The following CASZ1 variants were observed in gnomAD, a reference collection of about 807,000 sequenced individuals.
CASZ1 encodes castor zinc finger 1.
Under a neutral mutation model 135.2 loss-of-function variants are expected in CASZ1, and 28 were observed. The ratio of observed to expected loss-of-function variants is 0.21; its 90% confidence interval spans 0.15 to 0.28. The LOEUF (loss-of-function observed/expected upper bound fraction) is 0.28, where lower values mean the gene tolerates loss of function less well. CASZ1 is among the 10% of genes least tolerant of loss of function. The pLI is 1.00. For synonymous variants in CASZ1, 1,068 were observed against 1,073.4 expected (o/e 0.99, Z 0.10); for missense variants, 2,161 against 2,453.3 (o/e 0.88, Z 2.52).
chr1:10,773,549 A>AC, intron 1 of CASZ1, among the ~76,000 whole-genome samples: 1 of 151,882 alleles, frequency 6.6e-6, no homozygotes, highest in East Asian at 1.9e-4. Context: ...GGTCTCACGC[A>AC]CCCCGGGGAC....
rs533879927 is a variant in CASZ1, at chr1:10,724,639, C to T, written c.-76-19095G>A. 6.6e-6 allele frequency among the ~76,000 whole-genome samples: 1 copy of T among 152,166 alleles called. No homozygotes were observed. The highest frequency in any genetic ancestry group is 1.5e-5 in the Non-Finnish European group (1 of 68,028). ...TGTTAGAGGTTAGAGAAGCACTTCTCCCCCAGCCAAAGCAAGCAGGGCCTA... is the reference window on the plus strand; with the variant it reads ...TGTTAGAGGTTAGAGAAGCACTTCTTCCCCAGCCAAAGCAAGCAGGGCCTA... On this transcript the variant is annotated intron_variant, in intron 2 of 20. Coordinates refer to ENST00000377022, the MANE Select transcript of CASZ1 (RefSeq NM_001079843.3). This position sits in a 1 kb window ranked among gnomAD's most constrained non-coding sequence, Gnocchi z 4.1.
chr1:10,658,312 C>T (rs1642877946), intron 7 of CASZ1, 196 bp downstream of exon 7: 1 of 595,176 alleles, frequency 1.7e-6, no homozygotes, highest in Non-Finnish European at 3.0e-6. Flanking sequence ...GCCTGGACTA[C>T]ACAGAGCGGA....
intron 1 of CASZ1, among the ~76,000 whole-genome samples, chr1:10,775,662 G>A (rs115085250): frequency 3.5e-4 from 54 of 152,254 alleles, no homozygotes; most frequent in African/African-American, 1.3e-3. Flanking sequence ...GAGCAGAGCA[G>A]TTGGTCTACC....
Position 10,699,002 on chromosome 1 carries a change from C to G in CASZ1, c.-23-5090G>C, listed in dbSNP as rs540406457. 2.3e-4 allele frequency among the ~76,000 whole-genome samples: 35 copies of G among 152,360 alleles called. 1 individual carries two copies. The South Asian group carries it at 6.2e-3, about 27-fold the overall frequency. On this transcript the variant is annotated intron_variant, in intron 3 of 20. Transcript: ENST00000377022. This position sits in a 1 kb window ranked among gnomAD's most constrained non-coding sequence, Gnocchi z 4.6. ...CCACTCAGCTCCCCCACCGCTCCCC[C>G]ACCCATGGCCTGGCCTGGGTTGGGG... is the stretch of plus-strand genomic sequence containing the variant.
intron 15 of CASZ1, 38 bp downstream of exon 15, chr1:10,649,032 T>C (rs1338054350): frequency 1.2e-6 from 2 of 1,605,546 alleles, no homozygotes; most frequent in African/African-American, 1.3e-5. Flanking sequence ...CTGGGATCCG[T>C]GGGGCTCTGT....
chr1:10,789,639 G>A (rs943367530), intron 1 of CASZ1, among the ~76,000 whole-genome samples: 2 of 150,896 alleles, frequency 1.3e-5, no homozygotes, highest in African/African-American at 4.9e-5. Flanking sequence ...GACAAATCCA[G>A]ACCAAAAGGG....
chr1:10,743,079 G>A (rs1033167345), intron 2 of CASZ1, among the ~76,000 whole-genome samples: 4 of 152,152 alleles, frequency 2.6e-5, no homozygotes, highest in African/African-American at 4.8e-5. Flanking sequence ...AAGAGAGCTC[G>A]GGGAGTATTC....
intron 3 of CASZ1, among the ~76,000 whole-genome samples, chr1:10,696,902 A>G (rs1638945382): frequency 6.6e-6 from 1 of 152,176 alleles, no homozygotes; most frequent in Admixed American, 6.5e-5. Flanking sequence ...TGGATTGGCC[A>G]CCCAGTAACT....
chr1:10,640,713 T>C (rs529333108), intron 20 of CASZ1, among the ~76,000 whole-genome samples: 51 of 152,328 alleles, frequency 3.3e-4, no homozygotes, highest in African/African-American at 1.2e-3. Flanking sequence ...GGACCAGGAC[T>C]CAGGGAGCTC....
In CASZ1 at chr1:10,756,010, A is replaced by G. The variant is rs1437349666; in HGVS notation, c.-77+4691T>C. Among the ~76,000 whole-genome samples, 1 of 151,790 alleles carries G rather than the reference A, an allele frequency of 6.6e-6. No individual in the cohort carries two copies. ...GAGGCGGAAAGCAGAAAAACCTCCC[A>G]CGCGTGCACAGATGCACACGCCTCC... is the stretch of plus-strand genomic sequence containing the variant. On this transcript the variant is annotated intron_variant, in intron 2 of 20. Transcript: ENST00000377022. This position sits in a 1 kb window ranked among gnomAD's most constrained non-coding sequence, Gnocchi z 5.9.
At chr1:10,722,570 C>T (rs2100488609) in intron 2 of CASZ1, among the ~76,000 whole-genome samples, 1 of 152,340 alleles carries the variant, frequency 6.6e-6, no homozygotes, top group East Asian at 1.9e-4. Flanking sequence ...TCCAAGTTTC[C>T]AAGGACACTG....
chr1:10,710,314 G>A (rs1031946731), intron 2 of CASZ1, among the ~76,000 whole-genome samples: 2 of 152,060 alleles, frequency 1.3e-5, no homozygotes, highest in Non-Finnish European at 2.9e-5. Context: ...GACTTCAATG[G>A]TGAATTCGAG....
At chr1:10,672,970 T>C (rs1319928161) in intron 4 of CASZ1, among the ~76,000 whole-genome samples, 25 of 152,144 alleles carry the variant, frequency 1.6e-4, no homozygotes, top group Non-Finnish European at 5.9e-5. Context: ...GGAGGTGGGC[T>C]GGCGGTTCCA....
chr1:10,644,970 C>T lies in CASZ1; in HGVS notation c.3815G>A (p.Arg1272Gln), dbSNP rs745448443. The T allele has an allele frequency of 8.1e-6, 13 of 1,613,854 alleles. No homozygotes were observed. The highest frequency in any genetic ancestry group is 6.7e-5 in the East Asian group (3 of 44,898). Residue 1272 changes from arginine (R) to glutamine (Q), a missense_variant, in exon 18 of 21, where the codon CGG becomes CAG. By Grantham distance (43) the Arg-to-Gln change is conservative (BLOSUM62 1). Coordinates refer to ENST00000377022, the MANE Select transcript of CASZ1 (RefSeq NM_001079843.3). ...GAAGTATTTGAAGCCATTGGCTGCC[C>T]GCCGCTCCGCCTTCTCATGCTTCTT... Reference protein sequence around the residue: ...HIKKHEKAERRAANGFKYFTK... With the variant: ...HIKKHEKAERQAANGFKYFTK...
In CASZ1 at chr1:10,637,939, A is replaced by G. The variant is rs182954626; in HGVS notation, c.*1003T>C. On this transcript the variant is annotated 3_prime_UTR_variant, in exon 21 of 21. Transcript: ENST00000377022. ...TTTTTTCTTGTCTCTACAAAATTCA[A>G]GTTAAGAGTTGGAATCACGCAGCTC... 4 of 152,490 alleles carry G rather than the reference A, an allele frequency of 2.6e-5. No individual in the cohort carries two copies. The highest frequency in any genetic ancestry group is 2.0e-4 in the Admixed American group (3 of 15,296). The allele number at this position is 152,490 out of a possible 1,614,324, so 9.4% of individuals were successfully genotyped here.
intron 5 of CASZ1, 52 bp downstream of exon 5, chr1:10,665,031 A>G (rs540076672): frequency 2.7e-6 from 4 of 1,479,366 alleles, no homozygotes; most frequent in Non-Finnish European, 3.6e-6. Flanking sequence ...CCCCTTCCCC[A>G]CTGGCCTCCC....
intron 1 of CASZ1, among the ~76,000 whole-genome samples, chr1:10,795,490 C>T (rs1222122966): frequency 2.0e-5 from 3 of 152,022 alleles, no homozygotes; most frequent in Admixed American, 1.3e-4. Flanking sequence ...CGCTGCAGAG[C>T]CCCCCCGGAG....
chr1:10,665,552 C>G lies in CASZ1; in HGVS notation c.36G>C (p.Thr12=). 2 of 1,569,552 alleles carry G rather than the reference C, an allele frequency of 1.3e-6. No individual in the cohort carries two copies. Among genetic ancestry groups the G allele is most frequent in the Non-Finnish European group, 1.7e-6 (2 of 1,163,876 alleles). ...DLGTAEGTRC[T]DPPAGKPAMA... Reference sequence around the variant, plus strand: ...TGGCGGGCTTGCCTGCAGGCGGGTCCGTGCACCGGGTGCCCTCAGCTGCAG... The same window carrying G: ...TGGCGGGCTTGCCTGCAGGCGGGTCGGTGCACCGGGTGCCCTCAGCTGCAG... Residue 12 remains threonine, a synonymous_variant, in exon 5 of 21, where the codon ACG becomes ACC. Coordinates refer to ENST00000377022, the MANE Select transcript of CASZ1 (RefSeq NM_001079843.3).
rs540164780 is a variant in CASZ1 at position 10,689,932 on chromosome 1, C to T, written c.16+3942G>A. 2.6e-5 allele frequency among the ~76,000 whole-genome samples: 4 copies of T among 152,356 alleles called. No individual in the cohort carries two copies. In the East Asian group the frequency reaches 5.8e-4, roughly 22 times the overall value. ...ATGGTACCAGGAAACTCATGACTTCCGAGATGGCCCATTCTGTCCCGGGCT... is the reference window on the plus strand; with the variant it reads ...ATGGTACCAGGAAACTCATGACTTCTGAGATGGCCCATTCTGTCCCGGGCT... On this transcript the variant is annotated intron_variant, in intron 4 of 20. Coordinates refer to ENST00000377022, the MANE Select transcript of CASZ1 (RefSeq NM_001079843.3).
Sources: allele counts gnomAD v4.1 joint callset (sites outside exome capture counted in the v4.1 genomes callset), GRCh38; gene constraint gnomAD v4.1.1; non-coding constraint Gnocchi (gnomAD v3.1); transcripts MANE v1.5; gene names NCBI Gene and HGNC (gene_info 2026-07-23, HGNC 2026-07-21).